The following MAGI2 variants were observed in gnomAD, a reference collection of about 807,000 sequenced individuals.
MAGI2 encodes membrane-associated guanylate kinase, WW and PDZ domain-containing protein 2.
In MAGI2, 35 loss-of-function variants were observed where a neutral mutation model predicts 133.3. The observed-to-expected ratio is 0.26, with a 90% CI of 0.20 to 0.35. The LOEUF is 0.35. Ranked by LOEUF, MAGI2 falls within the 10% of genes least tolerant of loss-of-function variation. MAGI2 has a pLI of 1.00. For missense variants in MAGI2, 1,636 were observed against 1,863.4 expected (o/e 0.88, Z 2.25); for synonymous variants, 729 against 710.6 (o/e 1.03, Z -0.41).
chr7:79,334,829 C>G (rs1232183693), intron 1 of MAGI2, among the ~76,000 whole-genome samples: 3 of 152,222 alleles, frequency 2.0e-5, no homozygotes, highest in South Asian at 4.1e-4. Context: ...TTCTAGTACT[C>G]TATCCATCTA....
At chr7:79,284,481 T>C (rs1835865662) in intron 1 of MAGI2, among the ~76,000 whole-genome samples, 1 of 152,120 alleles carries the variant, frequency 6.6e-6, no homozygotes, top group Non-Finnish European at 1.5e-5. Context: ...CTGCATATGC[T>C]GGCCTCTTCC....
At chr7:78,185,595 GTTC>G in intron 13 of MAGI2, 31 bp downstream of exon 13, 1 of 1,505,064 alleles carries the variant, frequency 6.6e-7, no homozygotes, top group South Asian at 1.3e-5. Context: ...AAGACGTTTT[GTTC>G]ACAGAACTGT....
chr7:78,207,297 T>C (rs1404786169), intron 10 of MAGI2, among the ~76,000 whole-genome samples: 1 of 152,162 alleles, frequency 6.6e-6, no homozygotes, highest in Non-Finnish European at 1.5e-5. Flanking sequence ...TCTGAAAATA[T>C]TTCAGGGATT....
At position 78,135,043 on chromosome 7, in the gene MAGI2, G is replaced by C; in HGVS notation, c.3009C>G (p.Thr1003=). The C allele has an allele frequency of 6.2e-7, 1 of 1,614,070 alleles. No homozygotes were observed. The highest frequency in any genetic ancestry group is 8.5e-7 in the Non-Finnish European group (1 of 1,180,010). ...CACCCTCCTGAGGAATGATGCGAAG[G>C]GTGACACTAAGACCTGCATCCTTGA... The part of the protein sequence containing the change: ...KLIKDAGLSV[T]LRIIPQEELN... The change falls in exon 17 of 22, where the codon ACC becomes ACG. Residue 1003 remains threonine, a synonymous_variant. Coordinates refer to ENST00000354212, the MANE Select transcript of MAGI2 (RefSeq NM_012301.4).
rs1234566826 is a variant in MAGI2 at position 78,497,742 on chromosome 7, A to ATCTGTCTGTCTGTCTGTCTG, written c.965+3834_965+3835insCAGACAGACAGACAGACAGA. On this transcript the variant is annotated intron_variant, in intron 5 of 21. Coordinates refer to ENST00000354212, the MANE Select transcript of MAGI2 (RefSeq NM_012301.4). ...AACTATTCTATCTATCTATCTATCT[A>ATCTGTCTGTCTGTCTGTCTG]TCTATCTATCTATCTATCTATCTTT... 2.2e-3 allele frequency among the ~76,000 whole-genome samples: 260 copies of ATCTGTCTGTCTGTCTGTCTG among 120,330 alleles called. 1 individual carries two copies. The highest frequency in any genetic ancestry group is 7.3e-3 in the African/African-American group (249 of 34,302). 78.9% of individuals were successfully genotyped at this position (120,330 alleles called of 152,430 possible).
chr7:78,536,397 C>G (rs1193288082), intron 3 of MAGI2, among the ~76,000 whole-genome samples: 2 of 152,002 alleles, frequency 1.3e-5, no homozygotes, highest in Non-Finnish European at 2.9e-5. Flanking sequence ...CAGGCGTGAG[C>G]CACCGCGCCC....
chr7:79,250,624 A>G (rs1048510505), intron 1 of MAGI2, among the ~76,000 whole-genome samples: 2 of 152,200 alleles, frequency 1.3e-5, no homozygotes, highest in African/African-American at 4.8e-5. Context: ...AAATGGAAAG[A>G]CATTTCATGT....
chr7:78,638,496 G>A (rs1809917126), intron 2 of MAGI2, among the ~76,000 whole-genome samples: 1 of 152,114 alleles, frequency 6.6e-6, no homozygotes, highest in Non-Finnish European at 1.5e-5. Context: ...TACCTCACTT[G>A]CATTCACAGT....
At chr7:79,062,755 G>A (rs1197710535) in intron 1 of MAGI2, among the ~76,000 whole-genome samples, 5 of 152,040 alleles carry the variant, frequency 3.3e-5, no homozygotes, top group East Asian at 1.9e-4. Context: ...CCCTGTCATC[G>A]ATGTTTCCTG....
At chr7:78,482,059 G>A (rs1256845034) in intron 6 of MAGI2, among the ~76,000 whole-genome samples, 1 of 151,864 alleles carries the variant, frequency 6.6e-6, no homozygotes, top group Non-Finnish European at 1.5e-5. Flanking sequence ...TTTCAAAACT[G>A]AGTTTAAAAA....
At chr7:79,147,414 T>C (rs1822751868) in intron 1 of MAGI2, among the ~76,000 whole-genome samples, 1 of 152,204 alleles carries the variant, frequency 6.6e-6, no homozygotes, top group Non-Finnish European at 1.5e-5. Flanking sequence ...TGGATCCTCC[T>C]CTAGCCTTTA....
At chr7:79,060,368 T>G (rs1027494390) in intron 1 of MAGI2, among the ~76,000 whole-genome samples, 2 of 151,968 alleles carry the variant, frequency 1.3e-5, no homozygotes, top group African/African-American at 2.4e-5. Context: ...AAAAAAAAAC[T>G]TGGTGTAATT....
intron 1 of MAGI2, among the ~76,000 whole-genome samples, chr7:79,389,845 C>T (rs551774207): frequency 6.6e-6 from 1 of 152,164 alleles, no homozygotes; most frequent in East Asian, 1.9e-4. Flanking sequence ...GAGTCTAGAG[C>T]TATCCCCATG....
intron 2 of MAGI2, among the ~76,000 whole-genome samples, chr7:78,784,123 G>T (rs951984723): frequency 6.6e-6 from 1 of 151,888 alleles, no homozygotes; most frequent in African/African-American, 2.4e-5. Flanking sequence ...GATCAAGCAA[G>T]TCTGATCATT....
intron 6 of MAGI2, 112 bp downstream of exon 6, chr7:78,489,649 C>A: frequency 2.5e-6 from 2 of 792,320 alleles, no homozygotes. Flanking sequence ...AACATTACAT[C>A]GTTAAAATTG....
In MAGI2 at chr7:78,501,748, C is replaced by T; in HGVS notation, c.794G>A (p.Gly265Glu). 1.2e-6 allele frequency: 2 copies of T among 1,613,950 alleles called. No homozygotes were observed. Among genetic ancestry groups the T allele is most frequent in the Non-Finnish European group, 1.7e-6 (2 of 1,180,006 alleles). ...AGGATAAGGCTGGGAGGGCATCTCC[C>T]CTGAGGCACCTGCACTTTTGTCTTC... ...EHEDKSAGAS[G>E]EMPSQPYPAP... The change falls in exon 5 of 22, where the codon GGG becomes GAG. Residue 265 changes from glycine (G) to glutamate (E), a missense_variant. This residue lies in a region of MAGI2 where 165 missense variants were observed against 128.4 expected (regional missense o/e 1.28). Coordinates refer to ENST00000354212, the MANE Select transcript of MAGI2 (RefSeq NM_012301.4).
chr7:79,070,270 A>G (rs924849418), intron 1 of MAGI2, among the ~76,000 whole-genome samples: 14 of 151,914 alleles, frequency 9.2e-5, no homozygotes, highest in African/African-American at 2.9e-4. Context: ...GCCTTTTCAC[A>G]TAGTCCCATG....
At chr7:78,493,526 T>G (rs1279630584) in intron 5 of MAGI2, among the ~76,000 whole-genome samples, 1 of 152,090 alleles carries the variant, frequency 6.6e-6, no homozygotes, top group Non-Finnish European at 1.5e-5. Flanking sequence ...GAAACCCAGG[T>G]TGGGGGAAGG....
In MAGI2 at chr7:79,328,137, G is replaced by T. The variant is rs192881683; in HGVS notation, c.301+124883C>A. Among the ~76,000 whole-genome samples, 957 of 152,146 alleles carry T rather than the reference G, an allele frequency of 6.3e-3. 9 individuals are homozygous for T. The highest frequency in any genetic ancestry group is 0.011 in the Non-Finnish European group (746 of 67,984). On this transcript the variant is annotated intron_variant, in intron 1 of 21. Transcript: ENST00000354212. ...TCAATTTCTATAAATTGACCACAAG[G>T]AAATTTTGCCAACATGATGGGTAAG...
Sources: allele counts gnomAD v4.1 joint callset (sites outside exome capture counted in the v4.1 genomes callset), GRCh38; gene constraint gnomAD v4.1.1; regional missense constraint gnomAD v4.1.1; transcripts MANE v1.5; gene names NCBI Gene and HGNC (gene_info 2026-07-23, HGNC 2026-07-21).